Variants in NXPH1 observed in about 807,000 individuals in gnomAD.
The protein encoded by NXPH1 is neurexophilin 1.
Under a neutral mutation model 23.7 loss-of-function variants are expected in NXPH1, and 5 were observed. The ratio of observed to expected loss-of-function variants is 0.21; its 90% CI spans 0.11 to 0.44. The LOEUF (loss-of-function observed/expected upper bound fraction) is 0.44. NXPH1 is among the 20% of genes least tolerant of loss of function. The pLI, the probability that NXPH1 is intolerant of heterozygous loss-of-function variation, is 0.99. For synonymous variants in NXPH1, 144 were observed against 122.2 expected, an observed-to-expected ratio of 1.18 and a Z score of -1.18; for missense variants, 324 against 321.6, an observed-to-expected ratio of 1.01 and a Z score of -0.06.
At position 8,435,683 on chromosome 7, in the gene NXPH1, GCA is replaced by G. The variant is rs769374320; in HGVS notation, c.-29_-28del. On this transcript the variant is annotated 5_prime_UTR_variant, in exon 2 of 3. The change abolishes the stop of an existing upstream ORF in the 5' untranslated region. Coordinates refer to ENST00000405863, the MANE Select transcript of NXPH1 (RefSeq NM_152745.3). The surrounding 1 kb of genome is among the most constrained non-coding windows in gnomAD (Gnocchi z 5.9). ...CTGAAGGAACAAAGACTCAAAGAAG[GCA>G]CCGCCAAGGAAGTTTGAGACGCGGG... is the stretch of plus-strand genomic sequence containing the variant. The G allele has an allele frequency of 1.2e-6, 2 of 1,609,050 alleles. No homozygotes were observed. Among genetic ancestry groups the G allele is most frequent in the Non-Finnish European group, 1.7e-6 (2 of 1,175,388 alleles).
chr7:8,748,065 C>G (rs1209340975), intron 2 of NXPH1, among the ~76,000 whole-genome samples: 1 of 152,030 alleles, frequency 6.6e-6, no homozygotes, highest in African/African-American at 2.4e-5. Flanking sequence ...TTGCTTTTTT[C>G]TTAAGAAAAG....
At chr7:8,720,155 T>C (rs954352982) in intron 2 of NXPH1, among the ~76,000 whole-genome samples, 2 of 152,244 alleles carry the variant, frequency 1.3e-5, no homozygotes, top group Non-Finnish European at 2.9e-5. Flanking sequence ...TGGTTAAGTG[T>C]CCATTCTTGG....
intron 2 of NXPH1, among the ~76,000 whole-genome samples, chr7:8,514,136 A>C (rs1024352410): frequency 1.1e-4 from 16 of 152,252 alleles, no homozygotes; most frequent in African/African-American, 3.6e-4. Flanking sequence ...GTTTCCAAAT[A>C]AAGTTACATT....
intron 2 of NXPH1, among the ~76,000 whole-genome samples, chr7:8,512,525 A>G (rs1172770449): frequency 6.6e-6 from 1 of 152,112 alleles, no homozygotes; most frequent in East Asian, 1.9e-4. Context: ...GAGGGTGATT[A>G]TGATGAATTT....
At chr7:8,526,516 T>C (rs113916222) in intron 2 of NXPH1, among the ~76,000 whole-genome samples, 40 of 152,274 alleles carry the variant, frequency 2.6e-4, no homozygotes, top group African/African-American at 8.9e-4. Context: ...TGGAATGATA[T>C]GGTTTGGCTG....
Position 8,455,687 on chromosome 7 carries a change from G to C in NXPH1, c.54+19920G>C, listed in dbSNP as rs111303875. 1.1e-3 allele frequency among the ~76,000 whole-genome samples: 163 copies of C among 152,300 alleles called. 1 individual carries two copies. Among genetic ancestry groups the C allele is most frequent in the African/African-American group, 3.8e-3 (156 of 41,562 alleles). On this transcript the variant is annotated intron_variant, in intron 2 of 2. Coordinates refer to ENST00000405863, the MANE Select transcript of NXPH1 (RefSeq NM_152745.3). The stretch of plus-strand genomic sequence containing the variant: ...TCAACTGTCATAGGCTGTTTGTGAA[G>C]ACAAGTTGGGAGGAAATTGCCTGCT...
chr7:8,717,690 G>A (rs902605665), intron 2 of NXPH1, among the ~76,000 whole-genome samples: 1 of 152,176 alleles, frequency 6.6e-6, no homozygotes. Context: ...TCTAAGAGAT[G>A]CTAGCTCCCT....
intron 2 of NXPH1, among the ~76,000 whole-genome samples, chr7:8,497,926 A>G (rs1255964117): frequency 6.6e-6 from 1 of 152,074 alleles, no homozygotes; most frequent in Non-Finnish European, 1.5e-5. Context: ...TTTAGTCATG[A>G]AGTCCTTGCC....
At chr7:8,519,133 A>G (rs1342879427) in intron 2 of NXPH1, among the ~76,000 whole-genome samples, 1 of 152,150 alleles carries the variant, frequency 6.6e-6, no homozygotes, top group Non-Finnish European at 1.5e-5. Flanking sequence ...CATTAGTATT[A>G]TCTCATTTAT....
intron 2 of NXPH1, among the ~76,000 whole-genome samples, chr7:8,650,875 A>G (rs1820479857): frequency 6.6e-6 from 1 of 152,208 alleles, no homozygotes; most frequent in Non-Finnish European, 1.5e-5. Flanking sequence ...GGTAAAGTAA[A>G]TGAACAAAAC....
intron 2 of NXPH1, among the ~76,000 whole-genome samples, chr7:8,590,705 A>G (rs1223126198): frequency 3.3e-5 from 5 of 152,088 alleles, no homozygotes; most frequent in Non-Finnish European, 5.9e-5. Flanking sequence ...GCCCTCATCA[A>G]TGATTCTTCC....
chr7:8,492,208 T>C (rs1397875692), intron 2 of NXPH1, among the ~76,000 whole-genome samples: 2 of 152,102 alleles, frequency 1.3e-5, no homozygotes, highest in Non-Finnish European at 2.9e-5. Context: ...TTTTTCCTTT[T>C]GTCATTCTTT....
chr7:8,601,741 C>G (rs920549572), intron 2 of NXPH1, among the ~76,000 whole-genome samples: 1 of 152,164 alleles, frequency 6.6e-6, no homozygotes, highest in Non-Finnish European at 1.5e-5. Context: ...CCTAGCTGCT[C>G]TGTGATGAGA....
At chr7:8,473,441 C>T (rs1307036024) in intron 2 of NXPH1, among the ~76,000 whole-genome samples, 9 of 152,148 alleles carry the variant, frequency 5.9e-5, no homozygotes, top group Non-Finnish European at 1.2e-4. Context: ...TTGCTAAGCT[C>T]TAGTGTCCTA....
Position 8,448,220 on chromosome 7 carries a change from T to C in NXPH1, c.54+12453T>C, listed in dbSNP as rs564450976. 4.4e-4 allele frequency among the ~76,000 whole-genome samples: 67 copies of C among 152,354 alleles called. 2 individuals are homozygous for C. In the South Asian group the frequency reaches 7.3e-3, roughly 17 times the overall value. On this transcript the variant is annotated intron_variant, in intron 2 of 2. Transcript: ENST00000405863. ...TACCTCCCACCCATTAGAGTTATTA[T>C]TGAGAATTCACAGAGTTAATGTATT...
At chr7:8,737,271 G>A (rs1159122597) in intron 2 of NXPH1, among the ~76,000 whole-genome samples, 4 of 152,098 alleles carry the variant, frequency 2.6e-5, no homozygotes, top group African/African-American at 4.8e-5. Context: ...GCTGGTACTG[G>A]TTTTTCCTTT....
At chr7:8,739,354 C>T (rs6964532) in intron 2 of NXPH1, among the ~76,000 whole-genome samples, 2,462 of 152,034 alleles carry the variant, frequency 0.016, 73 homozygotes, top group African/African-American at 0.056. Flanking sequence ...CAGAATGCAC[C>T]GTCCTTCAAG....
chr7:8,636,719 G>A (rs191779852), intron 2 of NXPH1, among the ~76,000 whole-genome samples: 21 of 152,306 alleles, frequency 1.4e-4, no homozygotes, highest in Admixed American at 1.3e-3. Context: ...CGTTACACAC[G>A]TATTCCACGT....
intron 2 of NXPH1, among the ~76,000 whole-genome samples, chr7:8,530,631 T>A (rs1817936134): frequency 6.6e-6 from 1 of 152,198 alleles, no homozygotes; most frequent in African/African-American, 2.4e-5. Context: ...AGTGAAAACT[T>A]GCCTGGAGGG....
Sources: allele counts gnomAD v4.1 joint callset (sites outside exome capture counted in the v4.1 genomes callset), GRCh38; gene constraint gnomAD v4.1.1; non-coding constraint Gnocchi (gnomAD v3.1); transcripts MANE v1.5; gene names NCBI Gene and HGNC (gene_info 2026-07-23, HGNC 2026-07-21).